Variants in VPS13B observed in about 807,000 individuals in gnomAD.
VPS13B encodes the protein intermembrane lipid transfer protein VPS13B.
Under a neutral mutation model 426.4 loss-of-function variants are expected in VPS13B, and 285 were observed. The observed-to-expected ratio is 0.67, with a 90% CI of 0.61 to 0.74. The LOEUF (loss-of-function observed/expected upper bound fraction) is 0.74. Ranked by LOEUF, VPS13B falls within the 30% of genes least tolerant of loss-of-function variation. VPS13B has a pLI of 0.00. For missense variants in VPS13B, 4,537 were observed against 4,782.6 expected (o/e 0.95, Z 1.51); for synonymous variants, 1,676 against 1,676.4 (o/e 1.00, Z 0.01).
intron 21 of VPS13B, among the ~76,000 whole-genome samples, chr8:99,426,065 C>T (rs1816688319): frequency 7.9e-6 from 1 of 126,968 alleles, no homozygotes; most frequent in Admixed American, 8.2e-5. Context: ...TCCCCCCCTC[C>T]CCCCACCCCA....
intron 44 of VPS13B, among the ~76,000 whole-genome samples, chr8:99,816,789 A>G (rs1017524563): frequency 2.6e-5 from 4 of 152,092 alleles, no homozygotes; most frequent in African/African-American, 7.2e-5. Flanking sequence ...TGGGCGAAAG[A>G]GCAAGACCCT....
chr8:99,685,113 T>C (rs952175648), intron 35 of VPS13B, among the ~76,000 whole-genome samples: 1 of 152,222 alleles, frequency 6.6e-6, no homozygotes, highest in Non-Finnish European at 1.5e-5. Flanking sequence ...ATTAGATGTT[T>C]TTAAGATATA....
chr8:99,096,550 GT>G, intron 4 of VPS13B, 118 bp downstream of exon 4: 6 of 1,402,062 alleles, frequency 4.3e-6, no homozygotes, highest in Non-Finnish European at 5.9e-6. Flanking sequence ...GAGGTCAGGA[GT>G]TTGAGACCAG....
At chr8:99,617,515 T>TG (rs916308670) in intron 33 of VPS13B, among the ~76,000 whole-genome samples, 1 of 152,042 alleles carries the variant, frequency 6.6e-6, no homozygotes, top group East Asian at 1.9e-4. Flanking sequence ...TTAGTAGAGA[T>TG]GGGGTTTCAC....
chr8:99,795,931 A>G (rs1812788227), intron 43 of VPS13B, among the ~76,000 whole-genome samples: 1 of 152,124 alleles, frequency 6.6e-6, no homozygotes, highest in Admixed American at 6.5e-5. Context: ...GATCTGTCCT[A>G]TTCAGTGGGG....
intron 17 of VPS13B, among the ~76,000 whole-genome samples, chr8:99,267,868 C>A (rs1346283414): frequency 1.3e-5 from 2 of 152,056 alleles, no homozygotes; most frequent in Non-Finnish European, 2.9e-5. Context: ...ATGTCAGAGA[C>A]CTTCATGAGA....
chr8:99,536,190 C>T (rs184134773), intron 30 of VPS13B, among the ~76,000 whole-genome samples: 32 of 152,210 alleles, frequency 2.1e-4, no homozygotes, highest in African/African-American at 7.2e-4. Flanking sequence ...CTCAGGTGAG[C>T]CGCCTGCCTT....
intron 33 of VPS13B, among the ~76,000 whole-genome samples, chr8:99,582,819 C>A (rs986189530): frequency 1.4e-4 from 22 of 152,100 alleles, no homozygotes; most frequent in African/African-American, 4.1e-4. Context: ...CCACGCCCGG[C>A]TAATTTTTTG....
chr8:99,683,349 G>A (rs563276668), intron 35 of VPS13B, among the ~76,000 whole-genome samples: 2 of 152,098 alleles, frequency 1.3e-5, no homozygotes, highest in Non-Finnish European at 2.9e-5. Flanking sequence ...GCTTTACTAT[G>A]TAAATTTTAG....
intron 16 of VPS13B, among the ~76,000 whole-genome samples, chr8:99,183,494 CT>C (rs1813058958): frequency 6.6e-6 from 1 of 152,042 alleles, no homozygotes; most frequent in Non-Finnish European, 1.5e-5. Flanking sequence ...CAATGAATAT[CT>C]TTTGGTATGT....
intron 35 of VPS13B, among the ~76,000 whole-genome samples, chr8:99,676,170 C>A (rs1301204087): frequency 2.0e-5 from 3 of 151,960 alleles, no homozygotes; most frequent in African/African-American, 7.3e-5. Context: ...CCATGATTGC[C>A]ACAGCCATCA....
At chr8:99,631,408 G>C (rs1231256043) in intron 33 of VPS13B, among the ~76,000 whole-genome samples, 1 of 152,074 alleles carries the variant, frequency 6.6e-6, no homozygotes, top group Non-Finnish European at 1.5e-5. Context: ...GAGGAACTAG[G>C]AAGACAACAT....
intron 25 of VPS13B, among the ~76,000 whole-genome samples, chr8:99,489,441 A>G (rs1251421530): frequency 3.3e-5 from 5 of 152,012 alleles, no homozygotes. Context: ...GCTGTGAAGA[A>G]AGTCATTGGT....
Position 99,373,781 on chromosome 8 carries a change from A to G in VPS13B, c.2825-10427A>G, listed in dbSNP as rs796518695. On this transcript the variant is annotated intron_variant, in intron 19 of 61. Coordinates refer to ENST00000357162, the MANE Select transcript of VPS13B (RefSeq NM_152564.5). ...CACTTGAAGATGGGAGATTGAGGCT[A>G]CAGTGAGCTGTGATCATGCCACTAC... 5.0e-4 allele frequency among the ~76,000 whole-genome samples: 76 copies of G among 152,298 alleles called. 1 individual carries two copies. Among genetic ancestry groups the G allele is most frequent in the Middle Eastern group, 3.4e-3 (1 of 292 alleles).
intron 23 of VPS13B, among the ~76,000 whole-genome samples, chr8:99,459,939 TG>T (rs1818738607): frequency 6.6e-6 from 1 of 152,178 alleles, no homozygotes; most frequent in Admixed American, 6.5e-5. Flanking sequence ...CTTATGGTTG[TG>T]GTTTAATAGT....
At chr8:99,549,754 C>T (rs897521952) in intron 30 of VPS13B, among the ~76,000 whole-genome samples, 2 of 152,106 alleles carry the variant, frequency 1.3e-5, no homozygotes, top group Non-Finnish European at 2.9e-5. Flanking sequence ...GCTTTCTCCC[C>T]TGCCTCTCTC....
At chr8:99,771,188 A>G (rs548296353) in intron 40 of VPS13B, among the ~76,000 whole-genome samples, 31 of 152,358 alleles carry the variant, frequency 2.0e-4, no homozygotes, top group African/African-American at 6.5e-4. Context: ...TTAATTCTGT[A>G]TAAGTTGTTT....
chr8:99,853,815 T>C lies in VPS13B; in HGVS notation c.10426T>C (p.Cys3476Arg), dbSNP rs886062549. 2.5e-6 allele frequency: 4 copies of C among 1,614,210 alleles called. No individual in the cohort carries two copies. The highest frequency in any genetic ancestry group is 2.5e-6 in the Non-Finnish European group (3 of 1,180,038). Residue 3476 changes from cysteine (C) to arginine (R), a missense_variant, in exon 56 of 62, where the codon TGT becomes CGT. Cys to Arg is a radical substitution (Grantham distance 180, BLOSUM62 -3). Around this residue, in one of 2 missense-constraint regions of VPS13B, gnomAD observed 4,311 missense variants for 4,474.3 expected, o/e 0.96. Coordinates refer to ENST00000357162, the MANE Select transcript of VPS13B (RefSeq NM_152564.5). ...NKELEEYKEK[C>R]FIKLCITLNE... ...AGAGTTGGAAGAATACAAGGAAAAA[T>C]GTTTTATCAAACTTTGCATCACCTT... is the stretch of plus-strand genomic sequence containing the variant.
At chr8:99,446,419 TCA>T (rs1300607537) in intron 23 of VPS13B, among the ~76,000 whole-genome samples, 1 of 152,142 alleles carries the variant, frequency 6.6e-6, no homozygotes, top group Admixed American at 6.6e-5. Flanking sequence ...AAGGATCTTC[TCA>T]GTCTTTGTGT....
Sources: gnomAD v4.1 joint callset for allele counts (sites outside exome capture counted in the v4.1 genomes callset) on GRCh38, gnomAD v4.1.1 for gene constraint, gnomAD v4.1.1 regional missense constraint, MANE v1.5 for transcripts, NCBI Gene and HGNC (gene_info 2026-07-23, HGNC 2026-07-21) for gene names.